The following FGF13 variants were observed in gnomAD, a reference collection of about 807,000 sequenced individuals.
FGF13 encodes fibroblast growth factor homologous factor 2.
In FGF13, 2 loss-of-function variants were observed where a neutral mutation model predicts 19.5. That is an observed-to-expected ratio of 0.10 (90% CI 0.04 to 0.32). The LOEUF (loss-of-function observed/expected upper bound fraction) is 0.32. Among genes scored for constraint, FGF13 ranks in the 10% least tolerant of loss-of-function variants. The pLI is 1.00. For missense variants in FGF13, 113 were observed against 192.7 expected (o/e 0.59, Z 2.45); for synonymous variants, 72 against 76.9 (o/e 0.94, Z 0.33).
At chrX:138,982,543 T>G (rs2091968092) in intron 1 of FGF13, among the ~76,000 whole-genome samples, 1 of 112,209 alleles carries the variant, frequency 8.9e-6, no homozygotes, top group African/African-American at 3.2e-5. Context: ...CAGTAACGCA[T>G]TTCTGCATGC....
intron 1 of FGF13, among the ~76,000 whole-genome samples, chrX:138,894,425 GAAGAA>G (rs1460669371): frequency 9.1e-6 from 1 of 110,454 alleles, no homozygotes; most frequent in Non-Finnish European, 1.9e-5. Flanking sequence ...GACTAATAAA[GAAGAA>G]AAGAGAGAAA....
intron 1 of FGF13, among the ~76,000 whole-genome samples, chrX:138,885,070 T>C (rs1479625639): frequency 3.6e-5 from 4 of 112,113 alleles, no homozygotes; most frequent in Non-Finnish European, 7.5e-5. Context: ...CAGAGAAAAA[T>C]ACAGCATATT....
At chrX:138,934,613 A>G (rs2091721959) in intron 1 of FGF13, among the ~76,000 whole-genome samples, 1 of 112,586 alleles carries the variant, frequency 8.9e-6, no homozygotes, top group South Asian at 3.7e-4. Context: ...AAAATAAACG[A>G]GATGAAATGT....
At chrX:139,132,932 A>G (rs2083771221) in intron 1 of FGF13, among the ~76,000 whole-genome samples, 1 of 111,699 alleles carries the variant, frequency 9.0e-6, no homozygotes, top group South Asian at 3.7e-4. Context: ...AAGGGAAATA[A>G]AATCCACATA....
intron 3 of FGF13, among the ~76,000 whole-genome samples, chrX:138,647,687 TAC>T (rs777395800): frequency 6.9e-4 from 78 of 112,321 alleles, no homozygotes; most frequent in Non-Finnish European, 1.1e-3. Flanking sequence ...ATTGGCAAAT[TAC>T]AGTTCTTTAT....
intron 1 of FGF13, among the ~76,000 whole-genome samples, chrX:139,054,248 G>A (rs111457477): frequency 1.9e-5 from 2 of 103,324 alleles, no homozygotes; most frequent in African/African-American, 7.2e-5. Flanking sequence ...TCAGCCTCCC[G>A]AGTAGCTGGG....
At chrX:138,879,268 C>T (rs2091409338) in intron 1 of FGF13, among the ~76,000 whole-genome samples, 1 of 111,460 alleles carries the variant, frequency 9.0e-6, no homozygotes. Flanking sequence ...TATATCAAGC[C>T]TTTATCAGAT....
chrX:138,966,007 G>C (rs910371440), intron 1 of FGF13, among the ~76,000 whole-genome samples: 1 of 112,377 alleles, frequency 8.9e-6, no homozygotes, highest in Non-Finnish European at 1.9e-5. Context: ...AATACTGAGT[G>C]TCAACTTCAT....
intron 1 of FGF13, among the ~76,000 whole-genome samples, chrX:139,134,712 GAAAGC>G (rs2083786372): frequency 8.9e-6 from 1 of 112,115 alleles, no homozygotes; most frequent in Non-Finnish European, 1.9e-5. Flanking sequence ...CCCTTGTAAA[GAAAGC>G]AGTGAGTTGC....
intron 1 of FGF13, among the ~76,000 whole-genome samples, chrX:138,923,195 C>A (rs1341146463): frequency 9.0e-6 from 1 of 111,609 alleles, no homozygotes; most frequent in Non-Finnish European, 1.9e-5. Flanking sequence ...ATTGTGTGTT[C>A]ATATCTATGG....
chrX:139,107,011 AT>A (rs201939765), intron 1 of FGF13, among the ~76,000 whole-genome samples: 3,532 of 92,046 alleles, frequency 0.038, 138 homozygotes, highest in African/African-American at 0.13. Context: ...AAGCTATGCT[AT>A]TTTTTTTTCA....
At chrX:138,991,811 T>G (rs989092679) in intron 1 of FGF13, among the ~76,000 whole-genome samples, 1 of 111,822 alleles carries the variant, frequency 8.9e-6, no homozygotes, top group Non-Finnish European at 1.9e-5. Flanking sequence ...TAACGCAGCC[T>G]TCTCCCAAAT....
chrX:138,938,808 G>A (rs1365182570), intron 1 of FGF13, among the ~76,000 whole-genome samples: 2 of 111,935 alleles, frequency 1.8e-5, no homozygotes, highest in Admixed American at 1.9e-4. Flanking sequence ...GGCTGAGCTT[G>A]ATGTACTTCC....
intron 1 of FGF13, among the ~76,000 whole-genome samples, chrX:138,901,145 C>T (rs199928484): frequency 1.8e-5 from 2 of 112,100 alleles, no homozygotes; most frequent in Non-Finnish European, 3.8e-5. Context: ...GGGATGTGGT[C>T]TGTGCACTGC....
intron 3 of FGF13, among the ~76,000 whole-genome samples, chrX:138,782,994 C>T (rs1319857083): frequency 1.4e-5 from 1 of 73,610 alleles, no homozygotes; most frequent in African/African-American, 5.5e-5. Flanking sequence ...GAACAGAGCC[C>T]TCAGAAATAA....
intron 1 of FGF13, among the ~76,000 whole-genome samples, chrX:138,721,760 A>T (rs1391101470): frequency 9.1e-6 from 1 of 110,175 alleles, no homozygotes; most frequent in East Asian, 2.8e-4. Context: ...ATAATATTTT[A>T]TGAATGGCAT....
chrX:138,729,330 A>G (rs952511918), intron 1 of FGF13, among the ~76,000 whole-genome samples: 9 of 111,299 alleles, frequency 8.1e-5, no homozygotes, highest in African/African-American at 2.9e-4. Context: ...GAAAGTACAA[A>G]TAGAGAAAAA....
chrX:138,976,696 G>C (rs1603089210), intron 1 of FGF13, among the ~76,000 whole-genome samples: 2 of 100,022 alleles, frequency 2.0e-5, no homozygotes, highest in African/African-American at 7.2e-5. Context: ...AAAAGCTATT[G>C]AAATAGAGAA....
rs1374295766 is a variant in FGF13 at position 138,619,619 on chromosome X, T to C, written c.*13231A>G. The C allele has an allele frequency of 9.3e-6, 1 of 107,935 alleles. No individual in the cohort carries two copies. The highest frequency in any genetic ancestry group is 2.9e-4 in the East Asian group (1 of 3,460). The allele number at this position is 107,935 out of a possible 1,213,427, so 8.9% of individuals were successfully genotyped here. On this transcript the variant is annotated 3_prime_UTR_variant, in exon 5 of 5. Coordinates refer to ENST00000315930, the MANE Select transcript of FGF13 (RefSeq NM_004114.5). ...AATCTACAAGGAATTTAAGCAAATATACAAGAAAAAAAAAACCGCATCAAA... is the reference window on the plus strand; with the variant it reads ...AATCTACAAGGAATTTAAGCAAATACACAAGAAAAAAAAAACCGCATCAAA...
Sources: gnomAD v4.1 joint callset for allele counts (sites outside exome capture counted in the v4.1 genomes callset) on GRCh38, gnomAD v4.1.1 for gene constraint, MANE v1.5 for transcripts, NCBI Gene and HGNC (gene_info 2026-07-23, HGNC 2026-07-21) for gene names.